The following SLC17A8 variants were observed in gnomAD, a reference collection of about 807,000 sequenced individuals.
SLC17A8 encodes the protein vesicular glutamate transporter 3.
A neutral mutation model predicts 58.0 loss-of-function variants in SLC17A8; 31 were observed. The observed-to-expected ratio is 0.53, with a 90% CI of 0.40 to 0.72. SLC17A8 has a LOEUF of 0.72. SLC17A8 is among the 30% of genes least tolerant of loss of function. The pLI is 0.00. For synonymous variants in SLC17A8, 228 were observed against 249.0 expected, an observed-to-expected ratio of 0.92 and a Z score of 0.79; for missense variants, 655 against 727.8, an observed-to-expected ratio of 0.90 and a Z score of 1.15.
chr12:100,391,657 C>G (rs990996880), intron 3 of SLC17A8, among the ~76,000 whole-genome samples: 2 of 152,112 alleles, frequency 1.3e-5, no homozygotes, highest in Non-Finnish European at 2.9e-5. Flanking sequence ...TACCTTGCAA[C>G]TCTTCAAGTG....
intron 5 of SLC17A8, among the ~76,000 whole-genome samples, chr12:100,399,890 TA>T (rs1366819284): frequency 6.6e-6 from 1 of 152,084 alleles, no homozygotes; most frequent in Non-Finnish European, 1.5e-5. Context: ...TAAATAAGAG[TA>T]AGGGCTTTGG....
At chr12:100,389,477 A>T (rs543625329) in intron 2 of SLC17A8, among the ~76,000 whole-genome samples, 3 of 152,252 alleles carry the variant, frequency 2.0e-5, no homozygotes, top group African/African-American at 7.2e-5. Flanking sequence ...ATAACTTAGT[A>T]GCCCCCCAAA....
intron 11 of SLC17A8, among the ~76,000 whole-genome samples, chr12:100,418,562 G>T (rs1355621930): frequency 6.6e-6 from 1 of 152,174 alleles, no homozygotes; most frequent in African/African-American, 2.4e-5. Context: ...AAAGATGAGT[G>T]CTATTCTACT....
At chr12:100,396,214 G>A (rs1952752731) in intron 4 of SLC17A8, 116 bp from the exon 5 acceptor site, 1 of 798,546 alleles carries the variant, frequency 1.3e-6, no homozygotes. Flanking sequence ...ACCTACAACA[G>A]TGTCTGTAAA....
chr12:100,407,881 C>T (rs1182056325), intron 9 of SLC17A8, among the ~76,000 whole-genome samples: 1 of 152,204 alleles, frequency 6.6e-6, no homozygotes, highest in Non-Finnish European at 1.5e-5. Flanking sequence ...GCTGGGATTA[C>T]AGGCATGAGC....
rs943403 is a variant in SLC17A8, at chr12:100,380,391, A to G, written c.102-310A>G. On this transcript the variant is annotated intron_variant, in intron 1 of 11. Transcript: ENST00000323346. ...ACTTAGTTTCCTCATCTATAAAATGACATGATGACACTGTCTACCTCATGG... is the reference window on the plus strand; with the variant it reads ...ACTTAGTTTCCTCATCTATAAAATGGCATGATGACACTGTCTACCTCATGG... 0.64 allele frequency among the ~76,000 whole-genome samples: 96,995 copies of G among 151,546 alleles called. 32,876 individuals carry two copies. The highest frequency in any genetic ancestry group is 0.99 in the East Asian group (5,121 of 5,152).
rs12316627 is a variant in SLC17A8, at chr12:100,419,362, G to C, written c.1426-453G>C. On this transcript the variant is annotated intron_variant, in intron 11 of 11. Coordinates refer to ENST00000323346, the MANE Select transcript of SLC17A8 (RefSeq NM_139319.3). ...ATCCTGGCTAACACAGTGAAACCCCGCCTCTACTAAAAATACAAAAAATTA... is the reference window on the plus strand; with the variant it reads ...ATCCTGGCTAACACAGTGAAACCCCCCCTCTACTAAAAATACAAAAAATTA... Among the ~76,000 whole-genome samples the C allele has an allele frequency of 1.0e-3, 157 of 151,978 alleles. 1 individual carries two copies. Among genetic ancestry groups the C allele is most frequent in the African/African-American group, 3.4e-3 (140 of 41,452 alleles).
intron 1 of SLC17A8, among the ~76,000 whole-genome samples, chr12:100,371,721 T>C (rs1309333588): frequency 1.3e-5 from 2 of 152,162 alleles, no homozygotes; most frequent in African/African-American, 4.8e-5. Context: ...CTAACTTTTT[T>C]GTATTTTTAG....
chr12:100,405,461 A>G (rs981624099), intron 9 of SLC17A8, among the ~76,000 whole-genome samples: 2 of 152,134 alleles, frequency 1.3e-5, no homozygotes, highest in South Asian at 2.1e-4. Flanking sequence ...GGTGGGCCCA[A>G]TATAATCACA....
At chr12:100,379,434 C>CAA (rs142965532) in intron 1 of SLC17A8, among the ~76,000 whole-genome samples, 80,138 of 136,826 alleles carry the variant, frequency 0.59, 24,690 homozygotes, top group East Asian at 0.78. Context: ...GATTCCGTCC[C>CAA]CAAAAAAAAA....
intron 1 of SLC17A8, among the ~76,000 whole-genome samples, chr12:100,361,585 C>T (rs1952485051): frequency 6.6e-6 from 1 of 152,208 alleles, no homozygotes; most frequent in Admixed American, 6.5e-5. Flanking sequence ...CTAAAAAGCA[C>T]AGCCTGAGAC....
chr12:100,394,398 CTTTTTTTTTTTTT>C (rs34047250), intron 4 of SLC17A8, among the ~76,000 whole-genome samples: 1 of 112,758 alleles, frequency 8.9e-6, no homozygotes. Context: ...ACATCTTTTC[CTTTTTTTTTTTTT>C]TTTTTTTTGA....
chr12:100,417,931 C>A, intron 10 of SLC17A8, 98 bp from the exon 11 acceptor site: 2 of 1,519,772 alleles, frequency 1.3e-6, no homozygotes, highest in Non-Finnish European at 9.1e-7. Context: ...TAGAGGAAAC[C>A]AAACAGATTG....
At chr12:100,397,499 T>C (rs189410789) in intron 5 of SLC17A8, among the ~76,000 whole-genome samples, 30 of 152,354 alleles carry the variant, frequency 2.0e-4, no homozygotes, top group Admixed American at 5.2e-4. Context: ...CTTGCTGAGG[T>C]TGCCATCTCC....
At chr12:100,380,329 T>A (rs1171179645) in intron 1 of SLC17A8, among the ~76,000 whole-genome samples, 3 of 151,996 alleles carry the variant, frequency 2.0e-5, no homozygotes, top group Non-Finnish European at 4.4e-5. Flanking sequence ...GTTTTAGACA[T>A]AGACTCTGGA....
At chr12:100,389,780 A>G (rs1350143405) in intron 2 of SLC17A8, among the ~76,000 whole-genome samples, 1 of 149,288 alleles carries the variant, frequency 6.7e-6, no homozygotes, top group Non-Finnish European at 1.5e-5. Context: ...CTACAGGCAC[A>G]CACCACCACA....
At chr12:100,368,577 T>G (rs1428607428) in intron 1 of SLC17A8, among the ~76,000 whole-genome samples, 2 of 152,130 alleles carry the variant, frequency 1.3e-5, no homozygotes, top group African/African-American at 4.8e-5. Flanking sequence ...ATTACCCTAC[T>G]CCCTCCAAAT....
chr12:100,392,947 A>C (rs1162785286), intron 3 of SLC17A8, among the ~76,000 whole-genome samples: 1 of 152,196 alleles, frequency 6.6e-6, no homozygotes, highest in Non-Finnish European at 1.5e-5. Context: ...GAACCTGGCC[A>C]ATCTCCAACT....
Position 100,360,205 on chromosome 12 carries a change from G to A in SLC17A8, c.101+2713G>A, listed in dbSNP as rs115448289. ...TTAGAAGTGCAGGAAGAAAGAAGAT[G>A]CACTCATTTATAGTTTAGTATTGAA... On this transcript the variant is annotated intron_variant, in intron 1 of 11. Transcript: ENST00000323346. Among the ~76,000 whole-genome samples the A allele has an allele frequency of 5.1e-3, 773 of 152,290 alleles. 8 individuals are homozygous for A. Among genetic ancestry groups the A allele is most frequent in the African/African-American group, 0.018 (728 of 41,554 alleles).
Sources: allele counts gnomAD v4.1 joint callset (sites outside exome capture counted in the v4.1 genomes callset), GRCh38; gene constraint gnomAD v4.1.1; transcripts MANE v1.5; gene names NCBI Gene and HGNC (gene_info 2026-07-23, HGNC 2026-07-21).